SEMA6C: variants seen among roughly 807,000 people sequenced by gnomAD.
SEMA6C encodes semaphorin-6C.
Under a neutral mutation model 72.9 loss-of-function variants are expected in SEMA6C, and 37 were observed. The ratio of observed to expected loss-of-function variants is 0.51; its 90% CI spans 0.39 to 0.67. The LOEUF (loss-of-function observed/expected upper bound fraction) is 0.67, where lower values mean the gene tolerates loss of function less well. SEMA6C is among the 30% of genes least tolerant of loss of function. SEMA6C has a pLI of 0.00. For synonymous variants in SEMA6C, 578 were observed against 554.1 expected, an observed-to-expected ratio of 1.04 and a Z score of -0.61; for missense variants, 1,189 against 1,263.6, an observed-to-expected ratio of 0.94 and a Z score of 0.89.
intron 11 of SEMA6C, 64 bp downstream of exon 11, chr1:151,136,793 G>A: frequency 6.7e-7 from 1 of 1,483,578 alleles, no homozygotes; most frequent in Non-Finnish European, 9.4e-7. Flanking sequence ...GGCTGTGAAA[G>A]GGGAGTTTGG....
chr1:151,139,570 C>T, intron 5 of SEMA6C, 68 bp downstream of exon 5: 2 of 1,605,638 alleles, frequency 1.2e-6, no homozygotes, highest in Non-Finnish European at 1.7e-6. Context: ...TTCCCACCCA[C>T]CTGACCCACA....
At position 151,132,729 on chromosome 1, in the gene SEMA6C, G is replaced by A. The variant is rs1558175573; in HGVS notation, c.2548C>T (p.Arg850Trp). 21 of 1,467,056 alleles carry A rather than the reference G, an allele frequency of 1.4e-5. No individual in the cohort carries two copies. The highest frequency in any genetic ancestry group is 1.4e-4 in the Admixed American group (5 of 36,374). The allele number at this position is 1,467,056 out of a possible 1,614,324, so 90.9% of individuals were successfully genotyped here. Residue 850 changes from arginine to tryptophan, a missense_variant, in exon 19 of 19, where the codon CGG becomes TGG. Coordinates refer to ENST00000368914, the MANE Select transcript of SEMA6C (RefSeq NM_030913.6). ...PAPRLGVGGGRRLPFSGHRAP... is the reference protein window; with the variant it reads ...PAPRLGVGGGWRLPFSGHRAP... ...CGGTGGCCGGAGAAAGGCAACCTCC[G>A]GCCTCCGCCGACGCCCAGCCGGGGA...
intron 3 of SEMA6C, among the ~76,000 whole-genome samples, chr1:151,141,688 G>A (rs1311526543): frequency 2.7e-5 from 4 of 150,788 alleles, no homozygotes; most frequent in Non-Finnish European, 5.9e-5. Flanking sequence ...TGGGATTACA[G>A]GTGTAAAGCC....
chr1:151,136,365 A>G, intron 12 of SEMA6C, 83 bp downstream of exon 12: 1 of 1,550,086 alleles, frequency 6.5e-7, no homozygotes, highest in East Asian at 2.2e-5. Flanking sequence ...GGCCTTGGAC[A>G]TCTCATTACC....
chr1:151,134,677 T>A lies in SEMA6C; in HGVS notation c.1659-2A>T, dbSNP rs760219877. On this transcript the variant is annotated splice_acceptor_variant, in intron 16 of 18. Coordinates refer to ENST00000368914, the MANE Select transcript of SEMA6C (RefSeq NM_030913.6). LOFTEE classifies it high-confidence loss of function. ...TTCCCAGCCTGATCCACATCAGTCCTAGGAGGAAAACGAAGTGGCTATAGA... is the reference window on the plus strand; with the variant it reads ...TTCCCAGCCTGATCCACATCAGTCCAAGGAGGAAAACGAAGTGGCTATAGA... The A allele has an allele frequency of 1.1e-4, 171 of 1,613,998 alleles. No homozygotes were observed. The highest frequency in any genetic ancestry group is 5.9e-6 in the Non-Finnish European group (7 of 1,180,002).
Position 151,136,918 on chromosome 1 carries a change from C to T in SEMA6C, c.913G>A (p.Gly305Arg). Residue 305 changes from glycine (G) to arginine (R), a missense_variant, in exon 11 of 19, where the codon GGG becomes AGG. Physicochemically the swap from Gly to Arg is moderately radical, Grantham distance 125 (BLOSUM62 -2). Around this residue, in one of 2 missense-constraint regions of SEMA6C, gnomAD observed 468 missense variants for 577.4 expected, o/e 0.81. Coordinates refer to ENST00000368914, the MANE Select transcript of SEMA6C (RefSeq NM_030913.6). ...FYFDVLQALTGPVNLHGRSAL... is the reference protein window; with the variant it reads ...FYFDVLQALTRPVNLHGRSAL... The stretch of plus-strand genomic sequence containing the variant: ...GAGCGGCCATGCAGGTTCACAGGCC[C>T]AGTCAAGGCCTGTAAAACATCAAAA... The T allele has an allele frequency of 6.2e-7, 1 of 1,614,042 alleles. No individual in the cohort carries two copies.
At chr1:151,139,334 AG>A (rs1682330527) in intron 6 of SEMA6C, 90 bp downstream of exon 6, 1 of 1,066,858 alleles carries the variant, frequency 9.4e-7, no homozygotes, top group African/African-American at 1.6e-5. Context: ...AAAAGTGTGA[AG>A]GAAATTGGGC....
rs755889939 is a variant in SEMA6C at position 151,133,310 on chromosome 1, C to G, written c.1967G>C (p.Arg656Pro). 3.8e-6 allele frequency: 6 copies of G among 1,587,398 alleles called. No individual in the cohort carries two copies. The highest frequency in any genetic ancestry group is 3.4e-5 in the Admixed American group (2 of 57,978). ...PRPLSLRSLA[R>P]LHGGGPEPPP... ...GGGCTCTGGGCCCCCACCGTGGAGCCGGGCCAAACTGCGGAGGGAGAGAGG... is the reference window on the plus strand; with the variant it reads ...GGGCTCTGGGCCCCCACCGTGGAGCGGGGCCAAACTGCGGAGGGAGAGAGG... Residue 656 changes from arginine (R) to proline (P), a missense_variant, in exon 19 of 19, where the codon CGG becomes CCG. Physicochemically the swap from Arg to Pro is moderately radical, Grantham distance 103. This residue lies in a region of SEMA6C where 721 missense variants were observed against 686.2 expected (regional missense o/e 1.05). Transcript: ENST00000368914. This position sits in a 1 kb window ranked among gnomAD's most constrained non-coding sequence, Gnocchi z 5.9.
At chr1:151,136,207 G>T in intron 12 of SEMA6C, 44 bp from the exon 13 acceptor site, 1 of 1,609,306 alleles carries the variant, frequency 6.2e-7, no homozygotes, top group East Asian at 2.2e-5. Flanking sequence ...CTGGGAGCTG[G>T]AGCTTAGTTA....
chr1:151,132,152 C>T lies in SEMA6C; in HGVS notation c.*332G>A. On this transcript the variant is annotated 3_prime_UTR_variant, in exon 19 of 19. Coordinates refer to ENST00000368914, the MANE Select transcript of SEMA6C (RefSeq NM_030913.6). ...CCGAGGACTCTGGACACAGCGCGCG[C>T]GGCCCGCCCGGGGCACAGTCTCTGG... The T allele has an allele frequency of 3.7e-6, 5 of 1,349,608 alleles. No homozygotes were observed. Among genetic ancestry groups the T allele is most frequent in the East Asian group, 3.8e-5 (1 of 26,660 alleles). 83.6% of individuals were successfully genotyped at this position (1,349,608 alleles called of 1,614,324 possible).
chr1:151,134,665 C>A lies in SEMA6C; in HGVS notation c.1669G>T (p.Asp557Tyr). Residue 557 changes from aspartate (D) to tyrosine (Y), a missense_variant, in exon 17 of 19, where the codon GAT becomes TAT. This residue lies in a region of SEMA6C where 721 missense variants were observed against 686.2 expected (regional missense o/e 1.05). Coordinates refer to ENST00000368914, the MANE Select transcript of SEMA6C (RefSeq NM_030913.6). ...ATGGATTCCTGGTTCCCAGCCTGAT[C>A]CACATCAGTCCTAGGAGGAAAACGA... ...DIRGSGGTDV[D>Y]QAGNQESMEH... 6.2e-7 allele frequency: 1 copy of A among 1,614,140 alleles called. No homozygotes were observed. The highest frequency in any genetic ancestry group is 8.5e-7 in the Non-Finnish European group (1 of 1,180,024).
At chr1:151,136,325 C>T (rs1682020009) in intron 12 of SEMA6C, 123 bp downstream of exon 12, 2 of 1,488,956 alleles carry the variant, frequency 1.3e-6, no homozygotes, top group South Asian at 1.3e-5. Flanking sequence ...TTCGGCCCCA[C>T]TGCCACCCCA....
chr1:151,138,797 A>C, intron 6 of SEMA6C, 66 bp from the exon 7 acceptor site: 1 of 1,329,484 alleles, frequency 7.5e-7, no homozygotes, highest in East Asian at 2.3e-5. Flanking sequence ...AGGTAATAGA[A>C]AGGTGGGCTT....
rs1364751820 is a variant in SEMA6C at position 151,132,496 on chromosome 1, A to G, written c.2781T>C (p.Arg927=). The part of the protein sequence containing the change: ...SSRQAVPNGG[R]FNF ...TGGGCCGCTCCCTTTAAAAGTTGAA[A>G]CGGCCGCCGTTCGGGACGGCCTGGC... The change falls in exon 19 of 19, where the codon CGT becomes CGC. Residue 927 remains arginine (R), a synonymous_variant. Coordinates refer to ENST00000368914, the MANE Select transcript of SEMA6C (RefSeq NM_030913.6). 2 of 1,548,516 alleles carry G rather than the reference A, an allele frequency of 1.3e-6. No homozygotes were observed. Among genetic ancestry groups the G allele is most frequent in the East Asian group, 4.9e-5 (2 of 40,834 alleles).
At chr1:151,144,609 G>C (rs975615052) in intron 1 of SEMA6C, among the ~76,000 whole-genome samples, 175 bp from the exon 2 acceptor site, 2 of 152,210 alleles carry the variant, frequency 1.3e-5, no homozygotes, top group African/African-American at 4.8e-5. Flanking sequence ...TTACAAAGGT[G>C]CTGGTGGCTT....
At chr1:151,138,244 C>G (rs1682228365) in intron 8 of SEMA6C, 72 bp downstream of exon 8, 6 of 1,587,506 alleles carry the variant, frequency 3.8e-6, no homozygotes, top group Non-Finnish European at 5.2e-6. Context: ...GGGGAAAGAC[C>G]CACTGGGAGA....
rs1180426305 is a variant in SEMA6C, at chr1:151,145,123, G to C, written c.-104-689C>G. The C allele has an allele frequency of 6.6e-6, 1 of 152,194 alleles. No homozygotes were observed. The highest frequency in any genetic ancestry group is 2.4e-5 in the African/African-American group (1 of 41,400). The allele number at this position is 152,194 out of a possible 1,614,324, so 9.4% of individuals were successfully genotyped here. ...AGATCACTCTGCCCTGGAAGAATCCGAGCTGCTTCACACACCCCATCTGAA... is the reference window on the plus strand; with the variant it reads ...AGATCACTCTGCCCTGGAAGAATCCCAGCTGCTTCACACACCCCATCTGAA... On this transcript the variant is annotated intron_variant, in intron 1 of 18. Transcript: ENST00000368914. The surrounding 1 kb of genome is among the most constrained non-coding windows in gnomAD (Gnocchi z 4.4).
Position 151,135,268 on chromosome 1 carries a change from A to G in SEMA6C, c.1475T>C (p.Ile492Thr). ...KRTAQTARRI[I>T]GLELDTEGHR... ...ACCCTCAGTGTCCAGCTCCAGCCCT[A>G]TGATCCGTCGTGCTGTTTGGGCTGT... The change falls in exon 15 of 19, where the codon ATA becomes ACA. Residue 492 changes from isoleucine (I) to threonine (T), a missense_variant. Ile to Thr is a moderately conservative substitution (Grantham distance 89, BLOSUM62 -1). This residue lies in a region of SEMA6C where 721 missense variants were observed against 686.2 expected (regional missense o/e 1.05). Transcript: ENST00000368914. 3.7e-6 allele frequency: 6 copies of G among 1,614,204 alleles called. No individual in the cohort carries two copies. Among genetic ancestry groups the G allele is most frequent in the African/African-American group, 1.3e-5 (1 of 75,044 alleles).
intron 3 of SEMA6C, among the ~76,000 whole-genome samples, chr1:151,141,401 T>C (rs1433245198): frequency 2.6e-5 from 4 of 152,156 alleles, no homozygotes; most frequent in African/African-American, 7.2e-5. Flanking sequence ...TTCCATGAGG[T>C]AGAAGACTTT....
Sources: allele counts gnomAD v4.1 joint callset (sites outside exome capture counted in the v4.1 genomes callset), GRCh38; gene constraint gnomAD v4.1.1; regional missense constraint gnomAD v4.1.1; non-coding constraint Gnocchi (gnomAD v3.1); transcripts MANE v1.5; gene names NCBI Gene and HGNC (gene_info 2026-07-23, HGNC 2026-07-21).